The following TNR variants were observed in gnomAD, a reference collection of about 807,000 sequenced individuals.
TNR encodes tenascin R.
TNR carries 45 observed loss-of-function variants against 150.4 expected under a neutral mutation model. The observed-to-expected ratio is 0.30, with a 90% CI of 0.24 to 0.38. The LOEUF is 0.38. TNR is among the 10% of genes least tolerant of loss of function. The pLI is 1.00. For synonymous variants in TNR, 687 were observed against 678.4 expected (o/e 1.01, Z -0.20); for missense variants, 1,544 against 1,759.1 (o/e 0.88, Z 2.19).
chr1:175,574,701 A>G (rs1369676726), intron 1 of TNR, among the ~76,000 whole-genome samples: 3 of 152,150 alleles, frequency 2.0e-5, no homozygotes, highest in Non-Finnish European at 4.4e-5. Flanking sequence ...TTCCTCTCCT[A>G]TGGTGCAGAA....
chr1:175,610,130 T>C (rs937387646), intron 1 of TNR, among the ~76,000 whole-genome samples: 5 of 152,210 alleles, frequency 3.3e-5, no homozygotes, highest in Non-Finnish European at 7.3e-5. Context: ...AGAACAAATC[T>C]TCCCTGGTCT....
intron 15 of TNR, among the ~76,000 whole-genome samples, chr1:175,359,139 CTTTTTTTTTT>C (rs758610631): frequency 1.4e-4 from 6 of 42,148 alleles, no homozygotes; most frequent in South Asian, 1.2e-3. Context: ...GGGATATCTT[CTTTTTTTTTT>C]TTTTTTTTTT....
At chr1:175,511,229 G>A (rs1190134342) in intron 2 of TNR, among the ~76,000 whole-genome samples, 3 of 152,162 alleles carry the variant, frequency 2.0e-5, no homozygotes, top group Non-Finnish European at 4.4e-5. Context: ...TGAAACAACA[G>A]AGCATGCATA....
chr1:175,315,812 ATGTG>A lies in TNR; in HGVS notation c.*7541_*7544del, dbSNP rs3030866. 0.017 allele frequency: 2,462 copies of A among 146,498 alleles called. 22 individuals are homozygous for A. Among genetic ancestry groups the A allele is most frequent in the African/African-American group, 0.031 (1,216 of 39,824 alleles). The allele number at this position is 146,498 out of a possible 1,614,324, so 9.1% of individuals were successfully genotyped here. On this transcript the variant is annotated 3_prime_UTR_variant, in exon 23 of 23. Transcript: ENST00000367674. ...TGTGTGCATGCATGTGTGTGTGTGC[ATGTG>A]TGTGTGTGTGTGTGTGTGTGTGTGT... is the stretch of plus-strand genomic sequence containing the variant.
chr1:175,365,030 A>C lies in TNR; in HGVS notation c.2567T>G (p.Ile856Ser). The change falls in exon 12 of 23, where the codon ATT (isoleucine) becomes AGT (serine). Residue 856 changes from isoleucine to serine, a missense_variant. Coordinates refer to ENST00000367674, the MANE Select transcript of TNR (RefSeq NM_003285.3). ...CTCACCTGTGGTGATGGAGCCCACA[A>C]TGGGCTCAGAGGTCACTGTGCCATG... is the stretch of plus-strand genomic sequence containing the variant. ...AVHGTVTSEP[I>S]VGSITTGIDP... 6.2e-7 allele frequency: 1 copy of C among 1,609,058 alleles called. No individual in the cohort carries two copies. The highest frequency in any genetic ancestry group is 8.5e-7 in the Non-Finnish European group (1 of 1,176,078).
intron 2 of TNR, among the ~76,000 whole-genome samples, chr1:175,442,050 T>C (rs1471430203): frequency 6.6e-6 from 1 of 152,202 alleles, no homozygotes; most frequent in Non-Finnish European, 1.5e-5. Flanking sequence ...TGGTGGAGTC[T>C]CTGGGACTGC....
chr1:175,562,719 C>T (rs544707061), intron 1 of TNR, among the ~76,000 whole-genome samples: 1 of 152,330 alleles, frequency 6.6e-6, no homozygotes, highest in East Asian at 1.9e-4. Flanking sequence ...GGAAGTCTCC[C>T]TCCTGAGGCA....
intron 1 of TNR, among the ~76,000 whole-genome samples, chr1:175,725,750 T>C (rs754130115): frequency 2.0e-5 from 3 of 152,104 alleles, no homozygotes; most frequent in Non-Finnish European, 4.4e-5. Flanking sequence ...TAAGAGATAT[T>C]AAGGAGGTAA....
Position 175,355,612 on chromosome 1 carries a change from A to T in TNR, c.3140T>A (p.Leu1047Gln). 6.2e-7 allele frequency: 1 copy of T among 1,614,044 alleles called. No homozygotes were observed. The highest frequency in any genetic ancestry group is 8.5e-7 in the Non-Finnish European group (1 of 1,179,904). Residue 1047 changes from leucine (L) to glutamine (Q), a missense_variant, in exon 17 of 23, where the codon CTG (leucine) becomes CAG (glutamine). Around this residue, in one of 2 missense-constraint regions of TNR, gnomAD observed 290 missense variants for 429.7 expected, o/e 0.67. Transcript: ENST00000367674. ...FSTLLDPPAN[L>Q]TASEVTRQSA... Reference sequence around the variant, plus strand: ...TTGTCTGGTGACTTCACTGGCTGTCAGGTTTGCCGGAGGGTCCAGGACTGC... The same window carrying T: ...TTGTCTGGTGACTTCACTGGCTGTCTGGTTTGCCGGAGGGTCCAGGACTGC...
chr1:175,537,506 C>G (rs1389923823), intron 1 of TNR, among the ~76,000 whole-genome samples: 1 of 152,164 alleles, frequency 6.6e-6, no homozygotes, highest in Non-Finnish European at 1.5e-5. Context: ...GTAGCCAGTT[C>G]CCACCAAAGG....
chr1:175,405,725 T>C (rs1199044218), intron 3 of TNR, among the ~76,000 whole-genome samples: 2 of 152,088 alleles, frequency 1.3e-5, no homozygotes, highest in Non-Finnish European at 2.9e-5. Context: ...GGATAGGTCC[T>C]CTGAGACCTT....
chr1:175,684,444 T>G (rs1666128814), intron 1 of TNR, among the ~76,000 whole-genome samples: 1 of 152,168 alleles, frequency 6.6e-6, no homozygotes, highest in African/African-American at 2.4e-5. Context: ...ATTAGGACTA[T>G]AAAACCTAAA....
At chr1:175,348,548 G>A (rs1207177835) in intron 18 of TNR, among the ~76,000 whole-genome samples, 1 of 152,148 alleles carries the variant, frequency 6.6e-6, no homozygotes, top group Non-Finnish European at 1.5e-5. Context: ...AAAGCACAAT[G>A]TGGTATTTAT....
In TNR at chr1:175,318,956, T is replaced by G. The variant is rs1240820717; in HGVS notation, c.*4401A>C. The G allele has an allele frequency of 6.6e-6, 1 of 152,208 alleles. No individual in the cohort carries two copies. The highest frequency in any genetic ancestry group is 1.5e-5 in the Non-Finnish European group (1 of 68,040). 9.4% of individuals were successfully genotyped at this position (152,208 alleles called of 1,614,324 possible). Reference sequence around the variant, plus strand: ...TTGGGATTATTGAAACTGAACTGAATTTTGAATCTTTCAGAGGTTTCTTAA... The same window carrying G: ...TTGGGATTATTGAAACTGAACTGAAGTTTGAATCTTTCAGAGGTTTCTTAA... On this transcript the variant is annotated 3_prime_UTR_variant, in exon 23 of 23. Coordinates refer to ENST00000367674, the MANE Select transcript of TNR (RefSeq NM_003285.3).
chr1:175,585,041 A>C (rs948622834), intron 1 of TNR, among the ~76,000 whole-genome samples: 1 of 152,242 alleles, frequency 6.6e-6, no homozygotes, highest in Non-Finnish European at 1.5e-5. Context: ...CGTTGTTAAT[A>C]GCAAATACAA....
intron 1 of TNR, 144 bp from the exon 2 acceptor site, chr1:175,528,513 GT>G (rs1659939119): frequency 6.6e-6 from 1 of 152,110 alleles, no homozygotes; most frequent in Non-Finnish European, 1.5e-5. Flanking sequence ...AAAGAAAATT[GT>G]TGCTTAGTTG....
chr1:175,629,210 T>C (rs929071219), intron 1 of TNR, among the ~76,000 whole-genome samples: 4 of 152,188 alleles, frequency 2.6e-5, no homozygotes, highest in African/African-American at 9.7e-5. Context: ...GAAAATGTCC[T>C]ACAGATCCAG....
intron 2 of TNR, among the ~76,000 whole-genome samples, chr1:175,516,167 T>C (rs1035123542): frequency 6.6e-6 from 1 of 152,206 alleles, no homozygotes; most frequent in African/African-American, 2.4e-5. Flanking sequence ...TGGCTTTCTG[T>C]AACGTAGTGA....
At chr1:175,656,140 A>AAG (rs1288987923) in intron 1 of TNR, among the ~76,000 whole-genome samples, 2 of 85,376 alleles carry the variant, frequency 2.3e-5, no homozygotes, top group African/African-American at 4.7e-5. Context: ...AGGAAGGTTG[A>AAG]AGTGTGTGTG....
Sources: gnomAD v4.1 joint callset for allele counts (sites outside exome capture counted in the v4.1 genomes callset) on GRCh38, gnomAD v4.1.1 for gene constraint, gnomAD v4.1.1 regional missense constraint, MANE v1.5 for transcripts, NCBI Gene and HGNC (gene_info 2026-07-23, HGNC 2026-07-21) for gene names.